Variants in PDZD2 observed in about 807,000 individuals in gnomAD.
The protein encoded by PDZD2 is PDZ domain containing 2, also known as PDZ domain-containing protein 2.
PDZD2 carries 90 observed loss-of-function variants against 220.7 expected under a neutral mutation model. The observed-to-expected ratio is 0.41, with a 90% confidence interval of 0.34 to 0.49. The LOEUF (loss-of-function observed/expected upper bound fraction) is 0.49, where lower values mean the gene tolerates loss of function less well. Among genes scored for constraint, PDZD2 ranks in the 20% least tolerant of loss-of-function variants. PDZD2 has a pLI of 0.28. For missense variants in PDZD2, 3,174 were observed against 3,608.5 expected, an observed-to-expected ratio of 0.88 and a Z score of 3.08; for synonymous variants, 1,375 against 1,450.5, an observed-to-expected ratio of 0.95 and a Z score of 1.18.
intron 2 of PDZD2, among the ~76,000 whole-genome samples, chr5:31,870,034 C>A (rs549715156): frequency 6.6e-6 from 1 of 152,282 alleles, no homozygotes; most frequent in African/African-American, 2.4e-5. Flanking sequence ...AAGCCACTGA[C>A]CCTGCCAGCT....
intron 5 of PDZD2, among the ~76,000 whole-genome samples, chr5:32,007,925 C>G (rs1752964227): frequency 7.0e-6 from 1 of 143,408 alleles, no homozygotes; most frequent in African/African-American, 2.5e-5. Context: ...GTCTTACAGC[C>G]TACTCTAGCC....
intron 6 of PDZD2, among the ~76,000 whole-genome samples, chr5:32,019,870 G>GTT (rs1367528733): frequency 1.3e-5 from 2 of 151,926 alleles, no homozygotes; most frequent in East Asian, 3.9e-4. Context: ...CGGGAGGTAA[G>GTT]TTTCTTCCTG....
intron 7 of PDZD2, among the ~76,000 whole-genome samples, chr5:32,042,105 C>T (rs1756227501): frequency 1.3e-5 from 2 of 150,502 alleles, no homozygotes; most frequent in African/African-American, 4.9e-5. Flanking sequence ...AATACAAAAA[C>T]AAAAAAATTA....
intron 6 of PDZD2, among the ~76,000 whole-genome samples, chr5:32,035,289 C>G (rs1483702559): frequency 6.6e-6 from 1 of 150,868 alleles, no homozygotes; most frequent in Admixed American, 6.6e-5. Flanking sequence ...GAGATGGAGT[C>G]TAGCTCTGTC....
At chr5:31,998,947 A>T (rs1452287596) in intron 4 of PDZD2, among the ~76,000 whole-genome samples, 2 of 152,206 alleles carry the variant, frequency 1.3e-5, no homozygotes, top group Non-Finnish European at 2.9e-5. Flanking sequence ...GGATCCTGGG[A>T]GATCAGAGCA....
At chr5:32,026,578 A>AT (rs1176898269) in intron 6 of PDZD2, among the ~76,000 whole-genome samples, 4 of 152,176 alleles carry the variant, frequency 2.6e-5, no homozygotes, top group East Asian at 3.9e-4. Flanking sequence ...CACACACCTG[A>AT]TTTTGTCATT....
chr5:31,855,496 G>A (rs567938261), intron 2 of PDZD2, among the ~76,000 whole-genome samples: 1 of 152,234 alleles, frequency 6.6e-6, no homozygotes, highest in Non-Finnish European at 1.5e-5. Flanking sequence ...GGTAATAGGG[G>A]GTTCCGGAGC....
rs1250412528 is a variant in PDZD2, at chr5:31,849,911, TATATATAC to T, written c.476+50195_476+50202del. On this transcript the variant is annotated intron_variant, in intron 2 of 24. Coordinates refer to ENST00000438447, the MANE Select transcript of PDZD2 (RefSeq NM_178140.4). The stretch of plus-strand genomic sequence containing the variant: ...ATACACATATATATATATACATATA[TATATATAC>T]ATATATATATATACACATATATATA... Among the ~76,000 whole-genome samples the T allele has an allele frequency of 1.5e-4, 3 of 19,976 alleles. 1 individual carries two copies. Among genetic ancestry groups the T allele is most frequent in the African/African-American group, 8.6e-4 (3 of 3,490 alleles). 13.1% of individuals were successfully genotyped at this position (19,976 alleles called of 152,430 possible).
chr5:31,875,233 A>G (rs1173981417), intron 2 of PDZD2, among the ~76,000 whole-genome samples: 6 of 152,094 alleles, frequency 3.9e-5, no homozygotes. Flanking sequence ...TTTCATGTGG[A>G]AAATATATAA....
In PDZD2 at chr5:32,048,674, G is replaced by T. The variant is rs1291769734; in HGVS notation, c.1655G>T (p.Ser552Ile). The T allele has an allele frequency of 6.2e-7, 1 of 1,613,936 alleles. No individual in the cohort carries two copies. The highest frequency in any genetic ancestry group is 8.5e-7 in the Non-Finnish European group (1 of 1,179,976). The change falls in exon 8 of 25, where the codon AGT becomes ATT. Residue 552 changes from serine to isoleucine, a missense_variant. By Grantham distance (142) the Ser-to-Ile change is moderately radical. This residue lies in a region of PDZD2 where 632 missense variants were observed against 708.1 expected (regional missense o/e 0.89). Transcript: ENST00000438447. ...HSLPQLLDSS[S>I]ASQEYHIVKK... ...CTCCCGCAGCTGCTGGACTCTTCCA[G>T]TGCCTCACAGGTCCGACCAGGGCTG...
In PDZD2 at chr5:31,813,449, CAAAAAAA is replaced by C. The variant is rs60551914; in HGVS notation, c.476+13745_476+13751del. Among the ~76,000 whole-genome samples, 61 of 94,202 alleles carry C rather than the reference CAAAAAAA, an allele frequency of 6.5e-4. 1 individual carries two copies. The highest frequency in any genetic ancestry group is 2.5e-3 in the African/African-American group (59 of 23,544). 61.8% of individuals were successfully genotyped at this position (94,202 alleles called of 152,430 possible). On this transcript the variant is annotated intron_variant, in intron 2 of 24. Coordinates refer to ENST00000438447, the MANE Select transcript of PDZD2 (RefSeq NM_178140.4). ...TGGGCGACAGAGCGAGACTCCGTCT[CAAAAAAA>C]AAAAAAAAAAAAAAAAAAATCTAAA...
At chr5:31,961,359 C>A (rs1413786809) in intron 2 of PDZD2, among the ~76,000 whole-genome samples, 1 of 112,968 alleles carries the variant, frequency 8.9e-6, no homozygotes, top group African/African-American at 3.7e-5. Flanking sequence ...TGGCGAAACT[C>A]CGTCTCTACA....
chr5:31,881,918 C>T (rs1346629409), intron 2 of PDZD2, among the ~76,000 whole-genome samples: 2 of 152,002 alleles, frequency 1.3e-5, no homozygotes, highest in Non-Finnish European at 2.9e-5. Flanking sequence ...GGGGTTTCTC[C>T]ACGTTGGCCA....
At chr5:32,021,247 T>A (rs1754177379) in intron 6 of PDZD2, among the ~76,000 whole-genome samples, 1 of 151,416 alleles carries the variant, frequency 6.6e-6, no homozygotes. Context: ...CGTTACTGTT[T>A]GCTTGCCTTG....
At chr5:31,936,566 TAAAAAAA>T (rs11378684) in intron 2 of PDZD2, among the ~76,000 whole-genome samples, 1 of 145,108 alleles carries the variant, frequency 6.9e-6, no homozygotes, top group Non-Finnish European at 1.5e-5. Flanking sequence ...AGAGTTGCTT[TAAAAAAA>T]AAAAAAGAAA....
intron 5 of PDZD2, among the ~76,000 whole-genome samples, chr5:32,007,164 C>T (rs1752895186): frequency 1.3e-5 from 2 of 151,730 alleles, no homozygotes; most frequent in South Asian, 4.2e-4. Context: ...GTGATCCACC[C>T]GCTTTGGCCT....
intron 2 of PDZD2, among the ~76,000 whole-genome samples, chr5:31,865,121 A>C (rs1321147728): frequency 1.3e-5 from 2 of 152,092 alleles, no homozygotes; most frequent in African/African-American, 2.4e-5. Flanking sequence ...TGCTGGGATT[A>C]CAGGCGTGAA....
intron 1 of PDZD2, among the ~76,000 whole-genome samples, chr5:31,741,316 C>A: frequency 6.6e-6 from 1 of 151,658 alleles, no homozygotes; most frequent in Non-Finnish European, 1.5e-5. Context: ...TTCTCTATTT[C>A]CCCCAATTTT....
At chr5:32,044,467 G>A (rs323827) in intron 7 of PDZD2, among the ~76,000 whole-genome samples, 62,399 of 152,028 alleles carry the variant, frequency 0.41, 13,709 homozygotes, top group South Asian at 0.53. Flanking sequence ...AAGGATGCAA[G>A]ATAAAGAGAG....
Sources: allele counts gnomAD v4.1 joint callset (sites outside exome capture counted in the v4.1 genomes callset), GRCh38; gene constraint gnomAD v4.1.1; regional missense constraint gnomAD v4.1.1; transcripts MANE v1.5; gene names NCBI Gene and HGNC (gene_info 2026-07-23, HGNC 2026-07-21).